OTOGL: variants seen among roughly 807,000 people sequenced by gnomAD.
OTOGL encodes otogelin-like protein.
OTOGL carries 285 observed loss-of-function variants against 318.5 expected under a neutral mutation model. The observed-to-expected ratio is 0.89, with a 90% CI of 0.81 to 0.99. The LOEUF (loss-of-function observed/expected upper bound fraction) is 0.99. Among genes scored for constraint, OTOGL ranks in the 50% least tolerant of loss-of-function variants. OTOGL has a pLI of 0.00. For missense variants in OTOGL, 2,899 were observed against 2,845.6 expected, an observed-to-expected ratio of 1.02 and a Z score of -0.43; for synonymous variants, 987 against 936.5, an observed-to-expected ratio of 1.05 and a Z score of -0.99.
At chr12:80,124,794 G>A (rs1870710625) in intron 1 of OTOGL, among the ~76,000 whole-genome samples, 1 of 151,982 alleles carries the variant, frequency 6.6e-6, no homozygotes, top group Admixed American at 6.6e-5. Context: ...TATTCTCTTT[G>A]AAGCAATTGT....
chr12:80,162,569 G>A (rs1873584985), intron 1 of OTOGL, among the ~76,000 whole-genome samples: 1 of 152,046 alleles, frequency 6.6e-6, no homozygotes, highest in Non-Finnish European at 1.5e-5. Flanking sequence ...CCTTTTGAGG[G>A]CTGTGGGGGT....
At chr12:80,375,228 A>G (rs1048346548) in intron 57 of OTOGL, among the ~76,000 whole-genome samples, 1 of 152,188 alleles carries the variant, frequency 6.6e-6, no homozygotes, top group African/African-American at 2.4e-5. Context: ...AAAATCTGTT[A>G]CAATAAAGTT....
At chr12:80,127,202 G>A (rs1270088395) in intron 1 of OTOGL, among the ~76,000 whole-genome samples, 1 of 152,098 alleles carries the variant, frequency 6.6e-6, no homozygotes, top group African/African-American at 2.4e-5. Flanking sequence ...TCCATGTTTA[G>A]TGCTTCCTTC....
chr12:80,267,326 T>C lies in OTOGL; in HGVS notation c.2464T>C (p.Cys822Arg), dbSNP rs1332337408. The C allele has an allele frequency of 1.3e-6, 2 of 1,494,234 alleles. No individual in the cohort carries two copies. The highest frequency in any genetic ancestry group is 1.2e-5 in the South Asian group (1 of 80,270). The allele number at this position is 1,494,234 out of a possible 1,614,324, so 92.6% of individuals were successfully genotyped here. The change falls in exon 22 of 59, where the codon TGC becomes CGC. Residue 822 changes from cysteine (C) to arginine (R), a missense_variant and splice_region_variant. Around this residue, in one of 3 missense-constraint regions of OTOGL, gnomAD observed 2,607 missense variants for 2,524.9 expected, o/e 1.03. Coordinates refer to ENST00000547103, the MANE Select transcript of OTOGL (RefSeq NM_001378609.3). ...GCTCATCCCCACACCCTCGGGCTTA[T>C]GGTAGGTTTCAATGATGGGGATTGT... ...GELIPTPSGL[C>R]QCSNGTVKCD...
At chr12:80,152,105 G>A (rs962258539) in intron 1 of OTOGL, among the ~76,000 whole-genome samples, 1 of 152,112 alleles carries the variant, frequency 6.6e-6, no homozygotes, top group Non-Finnish European at 1.5e-5. Flanking sequence ...CTATCAGCAA[G>A]AATTTGAGAA....
chr12:80,293,739 A>G (rs1048158027), intron 26 of OTOGL, among the ~76,000 whole-genome samples: 1 of 151,874 alleles, frequency 6.6e-6, no homozygotes, highest in Non-Finnish European at 1.5e-5. Context: ...CCTGCAAAAC[A>G]TTAAAAAAAA....
chr12:80,342,953 C>G (rs897833818), intron 44 of OTOGL, among the ~76,000 whole-genome samples: 2 of 152,160 alleles, frequency 1.3e-5, no homozygotes, highest in Non-Finnish European at 2.9e-5. Context: ...ACGATCTCGG[C>G]TCACTGCAAC....
intron 56 of OTOGL, 84 bp from the exon 57 acceptor site, chr12:80,371,935 G>T: frequency 3.5e-6 from 3 of 845,262 alleles, no homozygotes; most frequent in South Asian, 2.4e-5. Context: ...AAAAGTTTTA[G>T]AAAAGTTAGT....
intron 57 of OTOGL, among the ~76,000 whole-genome samples, chr12:80,372,542 T>C (rs1180519767): frequency 6.6e-6 from 1 of 152,096 alleles, no homozygotes. Flanking sequence ...AGTAAGTATA[T>C]AGTTTTGTAC....
chr12:80,201,416 G>A (rs1018116083), intron 1 of OTOGL, among the ~76,000 whole-genome samples: 1 of 152,128 alleles, frequency 6.6e-6, no homozygotes, highest in African/African-American at 2.4e-5. Flanking sequence ...GAGCAAGAGA[G>A]CGAGGTGGGG....
intron 1 of OTOGL, among the ~76,000 whole-genome samples, chr12:80,108,018 T>C (rs1869559030): frequency 6.6e-6 from 1 of 152,108 alleles, no homozygotes; most frequent in Non-Finnish European, 1.5e-5. Context: ...ACCCACATGA[T>C]GAAATGATCT....
intron 1 of OTOGL, among the ~76,000 whole-genome samples, chr12:80,187,192 C>T (rs898339469): frequency 3.3e-5 from 5 of 152,004 alleles, no homozygotes; most frequent in African/African-American, 1.2e-4. Context: ...AACAGGGTTC[C>T]CTAAAGGCCT....
At chr12:80,218,072 T>A (rs1282108315) in intron 5 of OTOGL, among the ~76,000 whole-genome samples, 1 of 152,186 alleles carries the variant, frequency 6.6e-6, no homozygotes, top group Non-Finnish European at 1.5e-5. Flanking sequence ...ATAACAATGA[T>A]CCTCACTAGT....
intron 28 of OTOGL, among the ~76,000 whole-genome samples, chr12:80,303,065 T>C (rs1034455633): frequency 1.3e-5 from 2 of 152,228 alleles, no homozygotes; most frequent in Admixed American, 6.5e-5. Context: ...CTGTTCATAA[T>C]GCAATTAGAT....
intron 6 of OTOGL, 98 bp from the exon 7 acceptor site, chr12:80,221,993 T>C: frequency 1.5e-6 from 2 of 1,333,276 alleles, no homozygotes; most frequent in Non-Finnish European, 2.0e-6. Flanking sequence ...AGGAAGGAAA[T>C]TTGAATGAAA....
At position 80,124,372 on chromosome 12, in the gene OTOGL, G is replaced by T. The variant is rs562610969; in HGVS notation, c.-20+24767G>T. 1.0e-3 allele frequency among the ~76,000 whole-genome samples: 157 copies of T among 152,174 alleles called. 3 individuals are homozygous for T. Among genetic ancestry groups the T allele is most frequent in the Admixed American group, 2.0e-3 (31 of 15,282 alleles). On this transcript the variant is annotated intron_variant, in intron 1 of 58. Coordinates refer to ENST00000547103, the MANE Select transcript of OTOGL (RefSeq NM_001378609.3). Reference sequence around the variant, plus strand: ...TAGATATGCGGTATTAATTCTGAGGGCTCTGTTCTGTTCCATTGGTCTATA... The same window carrying T: ...TAGATATGCGGTATTAATTCTGAGGTCTCTGTTCTGTTCCATTGGTCTATA...
At chr12:80,332,767 A>G (rs1888155978) in intron 37 of OTOGL, among the ~76,000 whole-genome samples, 1 of 152,252 alleles carries the variant, frequency 6.6e-6, no homozygotes, top group Admixed American at 6.5e-5. Context: ...TTCTGGAATC[A>G]GAATTCATTT....
chr12:80,347,711 AT>A (rs1330710965), intron 44 of OTOGL, among the ~76,000 whole-genome samples: 12 of 152,088 alleles, frequency 7.9e-5, no homozygotes, highest in African/African-American at 2.9e-4. Flanking sequence ...GTCTTCCATA[AT>A]TATTGAACTA....
At chr12:80,348,847 G>C (rs991607135) in intron 44 of OTOGL, among the ~76,000 whole-genome samples, 6 of 152,056 alleles carry the variant, frequency 3.9e-5, no homozygotes, top group South Asian at 2.1e-4. Context: ...TCCCCAGCTG[G>C]AATACTTTTT....
Sources: allele counts gnomAD v4.1 joint callset (sites outside exome capture counted in the v4.1 genomes callset), GRCh38; gene constraint gnomAD v4.1.1; regional missense constraint gnomAD v4.1.1; transcripts MANE v1.5; gene names NCBI Gene and HGNC (gene_info 2026-07-23, HGNC 2026-07-21).